The following RSRC2 variants were observed in gnomAD, a reference collection of about 807,000 sequenced individuals.
RSRC2 encodes arginine and serine rich coiled-coil 2, also known as arginine/serine-rich coiled-coil protein 2.
Under a neutral mutation model 61.3 loss-of-function variants are expected in RSRC2, and 5 were observed. That is an observed-to-expected ratio of 0.08 (90% CI 0.04 to 0.17). The LOEUF (loss-of-function observed/expected upper bound fraction) is 0.17, where lower values mean the gene tolerates loss of function less well. Ranked by LOEUF, RSRC2 falls within the 10% of genes least tolerant of loss-of-function variation. RSRC2 has a pLI of 1.00. For synonymous variants in RSRC2, 202 were observed against 166.5 expected (o/e 1.21, Z -1.64); for missense variants, 381 against 518.8 (o/e 0.73, Z 2.58).
At chr12:122,514,367 C>T (rs569976242) in intron 6 of RSRC2, among the ~76,000 whole-genome samples, 11 of 150,338 alleles carry the variant, frequency 7.3e-5, no homozygotes, top group South Asian at 6.3e-4. Flanking sequence ...TGGGTTCAAG[C>T]GATTCTCGTG....
intron 4 of RSRC2, among the ~76,000 whole-genome samples, chr12:122,517,948 G>T (rs900104401): frequency 6.6e-6 from 1 of 152,112 alleles, no homozygotes; most frequent in Non-Finnish European, 1.5e-5. Flanking sequence ...CTGTTTATCA[G>T]CTTAAACCAC....
At chr12:122,507,941 C>T (rs943232567) in intron 8 of RSRC2, 3 of 452,908 alleles carry the variant, frequency 6.6e-6, no homozygotes, top group Non-Finnish European at 8.1e-6. Flanking sequence ...CCTGGGATTA[C>T]AGGTGTGTGC....
At chr12:122,521,558 G>C in intron 2 of RSRC2, 130 bp from the exon 3 acceptor site, 1 of 734,644 alleles carries the variant, frequency 1.4e-6, no homozygotes, top group Admixed American at 2.2e-5. Flanking sequence ...TTCATGGCAC[G>C]GGTGGGATTA....
intron 4 of RSRC2, among the ~76,000 whole-genome samples, chr12:122,517,750 A>C (rs1959045642): frequency 6.6e-6 from 1 of 152,094 alleles, no homozygotes; most frequent in Non-Finnish European, 1.5e-5. Context: ...ATCTACTAAA[A>C]ATTTTTGAGT....
At chr12:122,520,371 T>C in intron 3 of RSRC2, 1 of 511,392 alleles carries the variant, frequency 2.0e-6, no homozygotes, top group Non-Finnish European at 3.4e-6. Context: ...GTTAAACTTC[T>C]AAAGGTTTTA....
intron 5 of RSRC2, among the ~76,000 whole-genome samples, chr12:122,515,504 A>G (rs940677249): frequency 3.3e-5 from 5 of 152,114 alleles, no homozygotes; most frequent in South Asian, 2.1e-4. Flanking sequence ...CAGGTCTACA[A>G]GCATGCCCCA....
intron 5 of RSRC2, among the ~76,000 whole-genome samples, chr12:122,516,456 T>C (rs1399122662): frequency 6.6e-6 from 1 of 152,212 alleles, no homozygotes; most frequent in Non-Finnish European, 1.5e-5. Flanking sequence ...CATTTAGATA[T>C]ATCTGAAACC....
intron 7 of RSRC2, among the ~76,000 whole-genome samples, chr12:122,509,539 TG>T (rs1201109065): frequency 6.6e-6 from 1 of 151,974 alleles, no homozygotes; most frequent in African/African-American, 2.4e-5. Flanking sequence ...AATAAAGCCC[TG>T]GTATTTCCAC....
intron 6 of RSRC2, among the ~76,000 whole-genome samples, chr12:122,513,379 A>G (rs1211575661): frequency 6.6e-6 from 1 of 151,978 alleles, no homozygotes; most frequent in Non-Finnish European, 1.5e-5. Context: ...GTTTCTTAAG[A>G]AAAAAATTCT....
intron 7 of RSRC2, among the ~76,000 whole-genome samples, chr12:122,509,279 T>C (rs1958321123): frequency 6.6e-6 from 1 of 151,558 alleles, no homozygotes; most frequent in African/African-American, 2.4e-5. Context: ...AAACCCCGTC[T>C]CAAATAAAAA....
Position 122,507,126 on chromosome 12 carries a change from C to T in RSRC2, c.1036-203G>A. On this transcript the variant is annotated intron_variant, in intron 8 of 9. Coordinates refer to ENST00000331738, the MANE Select transcript of RSRC2 (RefSeq NM_023012.6). ...GGCGCCGTGCTTCACTCCTATAATC[C>T]CAGCACTTTGGAAGGCCGAGGTGGG... is the stretch of plus-strand genomic sequence containing the variant. 5.2e-6 allele frequency: 3 copies of T among 579,230 alleles called. No individual in the cohort carries two copies. In the South Asian group the frequency reaches 5.2e-5, roughly 10 times the overall value. 35.9% of individuals were successfully genotyped at this position (579,230 alleles called of 1,614,324 possible). A position where few individuals can be genotyped will look rare whatever the true frequency, so the allele number is the denominator to read the frequency against.
At chr12:122,512,737 A>G (rs375592225) in intron 6 of RSRC2, among the ~76,000 whole-genome samples, 1 of 149,052 alleles carries the variant, frequency 6.7e-6, no homozygotes, top group Admixed American at 6.6e-5. Flanking sequence ...AAAAAAAAAA[A>G]AAGAGGAAAA....
chr12:122,522,171 T>C lies in RSRC2; in HGVS notation c.135A>G (p.Ser45=), dbSNP rs1432301846. Residue 45 remains serine (S), a synonymous_variant, in exon 2 of 10, where the codon TCA becomes TCG. Coordinates refer to ENST00000331738, the MANE Select transcript of RSRC2 (RefSeq NM_023012.6). ...ACTTTCGTTTTCTTTCTCTTGACCT[T>C]GATCGTGATCTTGAATAATGATGTT... The part of the protein sequence containing the change: ...ASKHHYSRSR[S]RSRERKRKSD... The C allele has an allele frequency of 1.9e-6, 3 of 1,612,740 alleles. No homozygotes were observed. The South Asian group carries it at 3.3e-5, about 18-fold the overall frequency.
At chr12:122,525,915 G>A (rs1203900567) in intron 1 of RSRC2, among the ~76,000 whole-genome samples, 2 of 47,392 alleles carry the variant, frequency 4.2e-5, no homozygotes, top group Non-Finnish European at 7.0e-5. Context: ...TCCGCCTCCC[G>A]GGTTCACGCC....
intron 9 of RSRC2, 142 bp downstream of exon 9, chr12:122,506,688 ATTGC>A (rs1422607598): frequency 4.7e-6 from 3 of 643,620 alleles, no homozygotes; most frequent in Non-Finnish European, 2.8e-6. Flanking sequence ...TCAGAATGGG[ATTGC>A]TTGTTATTTC....
Position 122,509,900 on chromosome 12 carries a change from G to A in RSRC2, c.805+1209C>T, listed in dbSNP as rs532528431. 7.2e-5 allele frequency among the ~76,000 whole-genome samples: 11 copies of A among 152,146 alleles called. No homozygotes were observed. The East Asian group carries it at 1.9e-3, about 27-fold the overall frequency. On this transcript the variant is annotated intron_variant, in intron 7 of 9. Transcript: ENST00000331738. ...GTCACCCAGGCTAGAGTGCAATGGC[G>A]TGATGTTGGCTCACTGCAACCTCTA...
chr12:122,514,893 GA>G (rs1220360453), intron 6 of RSRC2: 3 of 682,812 alleles, frequency 4.4e-6, no homozygotes, highest in Non-Finnish European at 6.6e-6. Context: ...AATCATGAAG[GA>G]AAAAACAGAA....
chr12:122,517,568 G>C, intron 4 of RSRC2, 138 bp from the exon 5 acceptor site: 1 of 1,035,800 alleles, frequency 9.7e-7, no homozygotes, highest in South Asian at 1.6e-5. Flanking sequence ...AAATAAGCGA[G>C]ATTTTCAAAG....
chr12:122,521,450 A>C (rs375692239), intron 2 of RSRC2, 22 bp from the exon 3 acceptor site: 43 of 1,602,202 alleles, frequency 2.7e-5, no homozygotes, highest in Non-Finnish European at 3.1e-5. Flanking sequence ...CAAAAAAAAT[A>C]ATCACCATAA....
Sources: gnomAD v4.1 joint callset for allele counts (sites outside exome capture counted in the v4.1 genomes callset) on GRCh38, gnomAD v4.1.1 for gene constraint, MANE v1.5 for transcripts, NCBI Gene and HGNC (gene_info 2026-07-23, HGNC 2026-07-21) for gene names.